RBFOX1: variants seen among roughly 807,000 people sequenced by gnomAD.
RBFOX1 encodes RNA binding fox-1 homolog 1, also known as RNA binding protein fox-1 homolog 1.
In RBFOX1, 8 loss-of-function variants were observed where a neutral mutation model predicts 57.7. The ratio of observed to expected loss-of-function variants is 0.14; its 90% CI spans 0.08 to 0.25. The LOEUF (loss-of-function observed/expected upper bound fraction) is 0.25, where lower values mean the gene tolerates loss of function less well. Among genes scored for constraint, RBFOX1 ranks in the 10% least tolerant of loss-of-function variants. The pLI, the probability that RBFOX1 is intolerant of heterozygous loss-of-function variation, is 1.00. For missense variants in RBFOX1, 611 were observed against 548.5 expected (o/e 1.11, Z -1.14); for synonymous variants, 326 against 222.4 (o/e 1.47, Z -4.15).
intron 5 of RBFOX1, among the ~76,000 whole-genome samples, chr16:7,526,256 C>T (rs1001056563): frequency 2.0e-5 from 3 of 152,168 alleles, no homozygotes; most frequent in Non-Finnish European, 2.9e-5. Context: ...AAAACTGGTA[C>T]CAAAAATTTT....
intron 1 of RBFOX1, among the ~76,000 whole-genome samples, chr16:6,224,122 A>C (rs1195273708): frequency 1.3e-5 from 2 of 152,044 alleles, no homozygotes; most frequent in African/African-American, 4.8e-5. Context: ...GTATAGTTTG[A>C]AGTCAGGTAG....
chr16:6,914,488 C>T (rs534132829), intron 3 of RBFOX1, among the ~76,000 whole-genome samples: 1 of 152,238 alleles, frequency 6.6e-6, no homozygotes, highest in East Asian at 1.9e-4. Context: ...CTCACCTCCA[C>T]CTCCTACCTG....
chr16:6,177,675 A>T (rs1043951980), intron 1 of RBFOX1, among the ~76,000 whole-genome samples: 7 of 152,172 alleles, frequency 4.6e-5, no homozygotes, highest in Non-Finnish European at 1.0e-4. Context: ...AGGACTTGAC[A>T]GGTGCCCTTG....
intron 4 of RBFOX1, among the ~76,000 whole-genome samples, chr16:7,259,953 C>A (rs1437249491): frequency 6.6e-6 from 1 of 152,128 alleles, no homozygotes; most frequent in Non-Finnish European, 1.5e-5. Flanking sequence ...TCCCTCCCCT[C>A]CCTGATTTAG....
chr16:6,255,224 G>A (rs2097653095), intron 1 of RBFOX1, among the ~76,000 whole-genome samples: 1 of 152,112 alleles, frequency 6.6e-6, no homozygotes, highest in Non-Finnish European at 1.5e-5. Flanking sequence ...ACTTCTACCT[G>A]TCAACAGCAC....
At chr16:6,927,110 C>T (rs1008882688) in intron 3 of RBFOX1, among the ~76,000 whole-genome samples, 1 of 152,006 alleles carries the variant, frequency 6.6e-6, no homozygotes, top group Non-Finnish European at 1.5e-5. Flanking sequence ...ATTAGCTTCC[C>T]CCAGAGGGTT....
intron 3 of RBFOX1, among the ~76,000 whole-genome samples, chr16:6,744,528 A>G (rs1241147926): frequency 6.6e-6 from 1 of 152,114 alleles, no homozygotes; most frequent in Admixed American, 6.5e-5. Flanking sequence ...CTAGAAATAA[A>G]TGACAGAAAT....
intron 3 of RBFOX1, among the ~76,000 whole-genome samples, chr16:6,958,264 G>A (rs577294664): frequency 1.2e-4 from 18 of 152,172 alleles, no homozygotes; most frequent in Non-Finnish European, 2.1e-4. Context: ...AGCAGGCTGG[G>A]CAATGCTTTG....
rs561183644 is a variant in RBFOX1 at position 7,556,880 on chromosome 16, G to A, written c.271-22897G>A. Among the ~76,000 whole-genome samples, 9 of 152,204 alleles carry A rather than the reference G, an allele frequency of 5.9e-5. No individual in the cohort carries two copies. In the East Asian group the frequency reaches 1.5e-3, roughly 26 times the overall value. On this transcript the variant is annotated intron_variant, in intron 5 of 15. Coordinates refer to ENST00000550418, the MANE Select transcript of RBFOX1 (RefSeq NM_018723.4). ...GTTGTTATTGTTGTTTTCTGAAACC[G>A]ACTTAGTTTAAAATTACTAAGTCAT... is the stretch of plus-strand genomic sequence containing the variant.
chr16:6,048,554 T>C (rs1318132505), intron 1 of RBFOX1, among the ~76,000 whole-genome samples: 1 of 152,182 alleles, frequency 6.6e-6, no homozygotes, highest in Non-Finnish European at 1.5e-5. Flanking sequence ...AAGGTAGCAT[T>C]AAAACACCAC....
intron 1 of RBFOX1, among the ~76,000 whole-genome samples, chr16:6,286,827 T>C (rs2076952893): frequency 6.6e-6 from 1 of 152,150 alleles, no homozygotes; most frequent in Non-Finnish European, 1.5e-5. Flanking sequence ...CTAAATAATA[T>C]TATTTATTTC....
At chr16:6,818,074 G>A (rs1218445599) in intron 3 of RBFOX1, among the ~76,000 whole-genome samples, 1 of 152,150 alleles carries the variant, frequency 6.6e-6, no homozygotes. Flanking sequence ...TATCTTAGAT[G>A]TCATGATGTA....
chr16:7,499,910 T>C (rs1388180925), intron 4 of RBFOX1, among the ~76,000 whole-genome samples: 5 of 151,834 alleles, frequency 3.3e-5, no homozygotes, highest in Non-Finnish European at 7.4e-5. Flanking sequence ...AAAAAAAACA[T>C]TGTTCACTGC....
chr16:5,429,221 T>C (rs1249182616), intron 1 of RBFOX1, among the ~76,000 whole-genome samples: 1 of 152,202 alleles, frequency 6.6e-6, no homozygotes, highest in African/African-American at 2.4e-5. Context: ...TCTCTTTGCT[T>C]AAGCCAGTGA....
At chr16:5,459,376 C>A (rs1354464127) in intron 1 of RBFOX1, among the ~76,000 whole-genome samples, 1 of 152,130 alleles carries the variant, frequency 6.6e-6, no homozygotes, top group East Asian at 1.9e-4. Context: ...TGTGGGACCC[C>A]AGGTGGATTT....
chr16:7,043,910 C>G (rs947376845), intron 3 of RBFOX1, among the ~76,000 whole-genome samples: 1 of 152,188 alleles, frequency 6.6e-6, no homozygotes, highest in Non-Finnish European at 1.5e-5. Context: ...TACCTGGATA[C>G]ATTGTCTAAA....
At chr16:6,900,399 A>C (rs1008220371) in intron 3 of RBFOX1, among the ~76,000 whole-genome samples, 1 of 152,172 alleles carries the variant, frequency 6.6e-6, no homozygotes, top group Non-Finnish European at 1.5e-5. Flanking sequence ...AAGGAAAAAG[A>C]TTTTGAAACA....
rs2095633019 is a variant in RBFOX1, at chr16:7,285,513, C to A, written c.28-232634C>A. On this transcript the variant is annotated intron_variant, in intron 4 of 15. Coordinates refer to ENST00000550418, the MANE Select transcript of RBFOX1 (RefSeq NM_018723.4). ...ACAAACATTTCCATCACCACTGGAT[C>A]CCTTCTGTTTTTCTTTTTACAACCA... 2.0e-5 allele frequency among the ~76,000 whole-genome samples: 3 copies of A among 152,120 alleles called. No individual in the cohort carries two copies. The South Asian group carries it at 6.2e-4, about 32-fold the overall frequency.
At chr16:7,483,414 G>A (rs2064532418) in intron 4 of RBFOX1, among the ~76,000 whole-genome samples, 1 of 152,182 alleles carries the variant, frequency 6.6e-6, no homozygotes, top group Admixed American at 6.5e-5. Context: ...GTGAAAGATG[G>A]TAATAATGTG....
Sources: gnomAD v4.1 joint callset for allele counts (sites outside exome capture counted in the v4.1 genomes callset) on GRCh38, gnomAD v4.1.1 for gene constraint, MANE v1.5 for transcripts, NCBI Gene and HGNC (gene_info 2026-07-23, HGNC 2026-07-21) for gene names.